The following PLG variants were observed in gnomAD, a reference collection of about 807,000 sequenced individuals.
The protein encoded by PLG is plasmin.
In PLG, 41 loss-of-function variants were observed where a neutral mutation model predicts 104.4. That is an observed-to-expected ratio of 0.39 (90% CI 0.31 to 0.51). The LOEUF (loss-of-function observed/expected upper bound fraction) is 0.51, where lower values mean the gene tolerates loss of function less well. PLG is among the 20% of genes least tolerant of loss of function. The pLI, the probability that PLG is intolerant of heterozygous loss-of-function variation, is 0.76. For missense variants in PLG, 891 were observed against 1,003.6 expected, an observed-to-expected ratio of 0.89 and a Z score of 1.52; for synonymous variants, 337 against 357.1, an observed-to-expected ratio of 0.94 and a Z score of 0.63.
rs556259700 is a variant in PLG, at chr6:160,732,034, G to A, written c.1587+141G>A. ...GGGGACAGAAGAAAATATTGGAAAGGCATCAGGGGGCTAAGCTAGAATATA... is the reference window on the plus strand; with the variant it reads ...GGGGACAGAAGAAAATATTGGAAAGACATCAGGGGGCTAAGCTAGAATATA... On this transcript the variant is annotated intron_variant, in intron 12 of 18. Coordinates refer to ENST00000308192, the MANE Select transcript of PLG (RefSeq NM_000301.5). This position sits in a 1 kb window ranked among gnomAD's most constrained non-coding sequence, Gnocchi z 4.5. 7.7e-5 allele frequency: 66 copies of A among 860,902 alleles called. No homozygotes were observed. In the Middle Eastern group the frequency reaches 8.8e-4, roughly 11 times the overall value. The allele number at this position is 860,902 out of a possible 1,614,324, so 53.3% of individuals were successfully genotyped here.
intron 17 of PLG, among the ~76,000 whole-genome samples, chr6:160,748,439 AG>A (rs1778331371): frequency 1.9e-5 from 1 of 53,464 alleles, no homozygotes; most frequent in Non-Finnish European, 4.0e-5. Context: ...AACGAAAGAA[AG>A]AAGGGAGGGA....
rs1778016539 is a variant in PLG at position 160,732,493 on chromosome 6, A to C, written c.1587+600A>C. 6.6e-6 allele frequency among the ~76,000 whole-genome samples: 1 copy of C among 152,126 alleles called. No homozygotes were observed. The highest frequency in any genetic ancestry group is 2.4e-5 in the African/African-American group (1 of 41,414). ...AGCAGATACCAGCTGGGTGTCCTAC[A>C]ATGTAACTCAGTGCTGACACTCTAT... On this transcript the variant is annotated intron_variant, in intron 12 of 18. Coordinates refer to ENST00000308192, the MANE Select transcript of PLG (RefSeq NM_000301.5). The surrounding 1 kb of genome is among the most constrained non-coding windows in gnomAD (Gnocchi z 4.5).
At chr6:160,720,431 T>C (rs1582939044) in intron 9 of PLG, among the ~76,000 whole-genome samples, 1 of 106,430 alleles carries the variant, frequency 9.4e-6, no homozygotes, top group South Asian at 3.5e-4. Context: ...TTTTTTTTTT[T>C]TTTTTTGAGA....
chr6:160,703,939 G>A (rs984728519), intron 1 of PLG, among the ~76,000 whole-genome samples: 2 of 152,180 alleles, frequency 1.3e-5, no homozygotes, highest in African/African-American at 4.8e-5. Flanking sequence ...CGGGGAGAGG[G>A]AAAAGTTTCT....
rs536043858 is a variant in PLG, at chr6:160,743,159, A to G, written c.2125+1742A>G. Among the ~76,000 whole-genome samples the G allele has an allele frequency of 1.9e-4, 29 of 151,954 alleles. No individual in the cohort carries two copies. The South Asian group carries it at 5.2e-3, about 27-fold the overall frequency. On this transcript the variant is annotated intron_variant, in intron 17 of 18. Transcript: ENST00000308192. ...TATTCTGGCTCCTTTTTGGTTATATATAAATTTTTGAAGTAGTTTTTTAAT... is the reference window on the plus strand; with the variant it reads ...TATTCTGGCTCCTTTTTGGTTATATGTAAATTTTTGAAGTAGTTTTTTAAT...
rs201581226 is a variant in PLG at position 160,751,236 on chromosome 6, GAAC to G, written c.2126-876_2126-874del. ...GTTAAGGAATAAGAATGAACTTTAT[GAAC>G]AAAGATGTGGAAAGCTGGAAGCAAG... On this transcript the variant is annotated intron_variant, in intron 17 of 18. Transcript: ENST00000308192. 9.5e-3 allele frequency among the ~76,000 whole-genome samples: 1,453 copies of G among 152,270 alleles called. 22 individuals are homozygous for G. The highest frequency in any genetic ancestry group is 0.041 in the Middle Eastern group (12 of 292).
rs182180648 is a variant in PLG, at chr6:160,739,125, C to T, written c.1935C>T (p.Leu645=). ...TGGGTGCACACCAAGAAGTGAATCT[C>T]GAACCGCATGTTCAGGAAATAGAAG... is the stretch of plus-strand genomic sequence containing the variant. ...VILGAHQEVN[L]EPHVQEIEVS... Residue 645 remains leucine (L), a synonymous_variant, in exon 16 of 19, where the codon CTC becomes CTT. Transcript: ENST00000308192. The surrounding 1 kb of genome is among the most constrained non-coding windows in gnomAD (Gnocchi z 4.4). The T allele has an allele frequency of 5.0e-6, 8 of 1,614,078 alleles. No individual in the cohort carries two copies. The highest frequency in any genetic ancestry group is 2.2e-5 in the South Asian group (2 of 91,068).
rs2115180093 is a variant in PLG at position 160,739,184 on chromosome 6, A to T, written c.1994A>T (p.Asp665Val). Residue 665 changes from aspartate to valine, a missense_variant, in exon 16 of 19, where the codon GAT becomes GTT. By Grantham distance (152) the Asp-to-Val change is radical (BLOSUM62 -3). Coordinates refer to ENST00000308192, the MANE Select transcript of PLG (RefSeq NM_000301.5). The surrounding 1 kb of genome is among the most constrained non-coding windows in gnomAD (Gnocchi z 4.4). ...CTGTTCTTGGAGCCCACACGAAAAG[A>T]TATTGCCTTGCTAAAGCTAAGCAGG... ...SRLFLEPTRK[D>V]IALLKLSSPA... 6.2e-7 allele frequency: 1 copy of T among 1,614,150 alleles called. No individual in the cohort carries two copies. The highest frequency in any genetic ancestry group is 1.6e-4 in the Middle Eastern group (1 of 6,062).
In PLG at chr6:160,718,756, C is replaced by A. The variant is rs1167826351; in HGVS notation, c.1014C>A (p.Thr338=). The change falls in exon 9 of 19, where the codon ACC becomes ACA. Residue 338 remains threonine (T), a synonymous_variant. Coordinates refer to ENST00000308192, the MANE Select transcript of PLG (RefSeq NM_000301.5). ...AAAGGGCCCCATGGTGCCATACAACCAACAGCCAAGTGCGGTGGGAGTACT... is the reference window on the plus strand; with the variant it reads ...AAAGGGCCCCATGGTGCCATACAACAAACAGCCAAGTGCGGTGGGAGTACT... ...DGKRAPWCHT[T]NSQVRWEYCK... is the part of the protein sequence containing the mutation. 6.2e-7 allele frequency: 1 copy of A among 1,613,588 alleles called. No individual in the cohort carries two copies. Among genetic ancestry groups the A allele is most frequent in the East Asian group, 2.2e-5 (1 of 44,882 alleles).
intron 1 of PLG, chr6:160,705,281 G>A (rs574646118): frequency 1.3e-5 from 2 of 149,426 alleles, no homozygotes; most frequent in South Asian, 2.1e-4. Flanking sequence ...AGAGCCTCAG[G>A]ACAAGGGGAC....
chr6:160,740,231 A>G lies in PLG; in HGVS notation c.2018+1023A>G, dbSNP rs1405619316. On this transcript the variant is annotated intron_variant, in intron 16 of 18. Coordinates refer to ENST00000308192, the MANE Select transcript of PLG (RefSeq NM_000301.5). This position sits in a 1 kb window ranked among gnomAD's most constrained non-coding sequence, Gnocchi z 5.2. Reference sequence around the variant, plus strand: ...ATGTCCTGGGATGCTCTGACACTCTAGAAGGAGAGAAGAGCCTTTCCAGCT... The same window carrying G: ...ATGTCCTGGGATGCTCTGACACTCTGGAAGGAGAGAAGAGCCTTTCCAGCT... Among the ~76,000 whole-genome samples the G allele has an allele frequency of 6.6e-6, 1 of 152,204 alleles. No individual in the cohort carries two copies. Among genetic ancestry groups the G allele is most frequent in the African/African-American group, 2.4e-5 (1 of 41,460 alleles).
rs759480762 is a variant in PLG at position 160,712,979 on chromosome 6, T to A, written c.408-7T>A. 1 of 1,608,750 alleles carries A rather than the reference T, an allele frequency of 6.2e-7. No homozygotes were observed. Among genetic ancestry groups the A allele is most frequent in the South Asian group, 1.1e-5 (1 of 90,918 alleles). On this transcript the variant is annotated splice_polypyrimidine_tract_variant and splice_region_variant and intron_variant, in intron 4 of 18. Coordinates refer to ENST00000308192, the MANE Select transcript of PLG (RefSeq NM_000301.5). ...TAGTCTAAGTGCTTCTTTTCCATCC[T>A]CCCCAGATTCTCACCTGCTACACAC...
chr6:160,741,022 T>C lies in PLG; in HGVS notation c.2019-289T>C, dbSNP rs377318336. Among the ~76,000 whole-genome samples, 4 of 152,232 alleles carry C rather than the reference T, an allele frequency of 2.6e-5. No homozygotes were observed. The highest frequency in any genetic ancestry group is 9.6e-5 in the African/African-American group (4 of 41,456). On this transcript the variant is annotated intron_variant, in intron 16 of 18. Transcript: ENST00000308192. The surrounding 1 kb of genome is among the most constrained non-coding windows in gnomAD (Gnocchi z 4.7). ...CATGAGATTCCAGTTGTGCACAGAA[T>C]ATACATGAGAAGTGCGCCTTTGTCA... is the stretch of plus-strand genomic sequence containing the variant.
intron 9 of PLG, among the ~76,000 whole-genome samples, chr6:160,720,621 T>C (rs564908878): frequency 6.6e-6 from 1 of 152,114 alleles, no homozygotes; most frequent in Non-Finnish European, 1.5e-5. Context: ...AGTTTCGCCA[T>C]GTTGGCCAGA....
chr6:160,703,093 C>A (rs995393280), intron 1 of PLG, among the ~76,000 whole-genome samples: 2 of 151,890 alleles, frequency 1.3e-5, no homozygotes, highest in East Asian at 3.9e-4. Flanking sequence ...ACAAAGAAAT[C>A]AGACTTAGGA....
At chr6:160,729,111 C>T (rs1777959945) in intron 10 of PLG, among the ~76,000 whole-genome samples, 1 of 151,880 alleles carries the variant, frequency 6.6e-6, no homozygotes, top group South Asian at 2.1e-4. Flanking sequence ...GGAAATTTCT[C>T]AGGGAACGAT....
chr6:160,737,029 A>G lies in PLG; in HGVS notation c.1802+22A>G, dbSNP rs1778096960. The G allele has an allele frequency of 6.2e-7, 1 of 1,611,704 alleles. No individual in the cohort carries two copies. Among genetic ancestry groups the G allele is most frequent in the Non-Finnish European group, 8.5e-7 (1 of 1,179,514 alleles). ...CAAGGTAAGAACAGGCCCAGAAACGATTTATACTGTCCCTCCACGTAAGCC... is the reference window on the plus strand; with the variant it reads ...CAAGGTAAGAACAGGCCCAGAAACGGTTTATACTGTCCCTCCACGTAAGCC... On this transcript the variant is annotated intron_variant, in intron 14 of 18. Transcript: ENST00000308192. The surrounding 1 kb of genome is among the most constrained non-coding windows in gnomAD (Gnocchi z 4.7).
Position 160,707,833 on chromosome 6 carries a change from C to G in PLG, c.292+27C>G, listed in dbSNP as rs1258084449. On this transcript the variant is annotated intron_variant, in intron 3 of 18. Transcript: ENST00000308192. ...TGAGTACATTTTCTTCCTCCTCCTC[C>G]TACTGTCCTCCCCATCCTCCCACTC... 4 of 1,480,606 alleles carry G rather than the reference C, an allele frequency of 2.7e-6. No homozygotes were observed. The African/African-American group carries it at 5.5e-5, about 20-fold the overall frequency. The allele number at this position is 1,480,606 out of a possible 1,614,324, so 91.7% of individuals were successfully genotyped here. A position where few individuals can be genotyped will look rare whatever the true frequency, so the allele number is the denominator to read the frequency against.
chr6:160,734,080 C>A lies in PLG; in HGVS notation c.1673C>A (p.Pro558His). 1 of 1,590,338 alleles carries A rather than the reference C, an allele frequency of 6.3e-7. No homozygotes were observed. Among genetic ancestry groups the A allele is most frequent in the Non-Finnish European group, 8.6e-7 (1 of 1,158,748 alleles). Residue 558 changes from proline to histidine, a missense_variant, in exon 13 of 19, where the codon CCT becomes CAT. By Grantham distance (77) the Pro-to-His change is moderately conservative. Coordinates refer to ENST00000308192, the MANE Select transcript of PLG (RefSeq NM_000301.5). The surrounding 1 kb of genome is among the most constrained non-coding windows in gnomAD (Gnocchi z 4.4). ...PRKLYDYCDVPQCAAPSFDCG... is the reference protein window; with the variant it reads ...PRKLYDYCDVHQCAAPSFDCG... ...AAACTTTACGACTACTGTGATGTCC[C>A]TCAGTGTGGTAGGTTGCCTTCTTTT...
Sources: gnomAD v4.1 joint callset for allele counts (sites outside exome capture counted in the v4.1 genomes callset) on GRCh38, gnomAD v4.1.1 for gene constraint, Gnocchi (gnomAD v3.1) non-coding constraint, MANE v1.5 for transcripts, NCBI Gene and HGNC (gene_info 2026-07-23, HGNC 2026-07-21) for gene names.